Variants in CFAP97 observed in about 807,000 individuals in gnomAD.
The protein encoded by CFAP97 is cilia- and flagella-associated protein 97.
CFAP97 carries 36 observed loss-of-function variants against 43.1 expected under a neutral mutation model. The observed-to-expected ratio is 0.84, with a 90% CI of 0.64 to 1.10. The LOEUF (loss-of-function observed/expected upper bound fraction) is 1.10. Ranked by LOEUF, CFAP97 falls within the 50% of genes least tolerant of loss-of-function variation. The pLI, the probability that CFAP97 is intolerant of heterozygous loss-of-function variation, is 0.00. For missense variants in CFAP97, 657 were observed against 620.3 expected (o/e 1.06, Z -0.63); for synonymous variants, 228 against 225.7 (o/e 1.01, Z -0.09).
chr4:185,179,048 A>C (rs1015704971), intron 2 of CFAP97, among the ~76,000 whole-genome samples: 1 of 152,134 alleles, frequency 6.6e-6, no homozygotes, highest in Non-Finnish European at 1.5e-5. Context: ...TTTAGAAAGA[A>C]TATAAAAGAG....
intron 1 of CFAP97, among the ~76,000 whole-genome samples, chr4:185,195,977 CCTTT>C (rs1014429887): frequency 6.6e-6 from 1 of 152,048 alleles, no homozygotes; most frequent in African/African-American, 2.4e-5. Flanking sequence ...GTTGTTTTTT[CCTTT>C]CTTACTTTGT....
Position 185,201,258 on chromosome 4 carries a change from G to A in CFAP97, c.-17+2640C>T, listed in dbSNP as rs1051668800. ...GGAGAATCTCTTGAACCCAGGAAGC[G>A]GAGGTTGCAGTGAGCCCAGATCACA... is the stretch of plus-strand genomic sequence containing the variant. On this transcript the variant is annotated intron_variant, in intron 1 of 4. Transcript: ENST00000458385. Among the ~76,000 whole-genome samples the A allele has an allele frequency of 4.6e-5, 7 of 150,656 alleles. No individual in the cohort carries two copies. The East Asian group carries it at 5.8e-4, about 13-fold the overall frequency.
chr4:185,190,535 T>A lies in CFAP97; in HGVS notation c.662A>T (p.His221Leu). 1 of 1,613,944 alleles carries A rather than the reference T, an allele frequency of 6.2e-7. No individual in the cohort carries two copies. Among genetic ancestry groups the A allele is most frequent in the Non-Finnish European group, 8.5e-7 (1 of 1,179,874 alleles). Residue 221 changes from histidine (H) to leucine (L), a missense_variant, in exon 2 of 5, where the codon CAC (histidine) becomes CTC (leucine). Coordinates refer to ENST00000458385, the MANE Select transcript of CFAP97 (RefSeq NM_020827.3). Reference protein sequence around the residue: ...VSGITLLSPKHKYKSGIKSTE... With the variant: ...VSGITLLSPKLKYKSGIKSTE... ...CGATTTTATTCCTGATTTATACTTG[T>A]GTTTTGGTGACAGGAGGGTTATACC...
chr4:185,197,007 G>A (rs1022274659), intron 1 of CFAP97, among the ~76,000 whole-genome samples: 2 of 150,730 alleles, frequency 1.3e-5, no homozygotes, highest in African/African-American at 4.9e-5. Flanking sequence ...GCTGAGGCAG[G>A]AGAATTGCTT....
chr4:185,178,057 G>C (rs1735623935), intron 2 of CFAP97, among the ~76,000 whole-genome samples: 1 of 151,940 alleles, frequency 6.6e-6, no homozygotes. Flanking sequence ...AGTATGCCAA[G>C]TTAGTGACAA....
At chr4:185,207,063 C>T (rs931633964), upstream of CFAP97, among the ~76,000 whole-genome samples, 11 of 152,218 alleles carry the variant, frequency 7.2e-5, no homozygotes, top group South Asian at 8.3e-4. Context: ...GCTGATTGGA[C>T]GGTTGCCCAC....
intron 1 of CFAP97, among the ~76,000 whole-genome samples, chr4:185,195,029 T>C (rs552116802): frequency 1.1e-4 from 16 of 152,290 alleles, no homozygotes; most frequent in African/African-American, 3.9e-4. Context: ...CACAGGATGT[T>C]CACGACAGCA....
chr4:185,168,069 G>C (rs577202022), intron 3 of CFAP97, among the ~76,000 whole-genome samples: 79 of 147,922 alleles, frequency 5.3e-4, no homozygotes, highest in Non-Finnish European at 6.6e-4. Context: ...TTTTCTAGTT[G>C]TTTGACATGC....
At chr4:185,169,776 C>T in intron 3 of CFAP97, 1 of 985,444 alleles carries the variant, frequency 1.0e-6, no homozygotes, top group Non-Finnish European at 1.2e-6. Flanking sequence ...CTGTCCCCCA[C>T]ACAGGCAGAA....
chr4:185,202,131 T>A (rs1307101485), intron 1 of CFAP97, among the ~76,000 whole-genome samples: 1 of 152,230 alleles, frequency 6.6e-6, no homozygotes, highest in Non-Finnish European at 1.5e-5. Flanking sequence ...GAGAACCTGA[T>A]GAATTTAGTC....
At chr4:185,164,711 G>A (rs1398611830) in intron 3 of CFAP97, among the ~76,000 whole-genome samples, 1 of 152,166 alleles carries the variant, frequency 6.6e-6, no homozygotes, top group African/African-American at 2.4e-5. Flanking sequence ...AATAAGGTAG[G>A]TTAGACAAGC....
At chr4:185,172,151 G>T (rs1735330281) in intron 3 of CFAP97, among the ~76,000 whole-genome samples, 2 of 152,132 alleles carry the variant, frequency 1.3e-5, no homozygotes, top group African/African-American at 4.8e-5. Flanking sequence ...TACTGATAAA[G>T]TTATCTACTG....
chr4:185,193,469 AC>A (rs1736394551), intron 1 of CFAP97, among the ~76,000 whole-genome samples: 1 of 151,990 alleles, frequency 6.6e-6, no homozygotes, highest in African/African-American at 2.4e-5. Flanking sequence ...ATATAGTGAA[AC>A]CCCATCTCTA....
rs772426749 is a variant in CFAP97, at chr4:185,191,096, T to C, written c.101A>G (p.Asp34Gly). ...TTCCTTTGGGTCATCATTTTGCTTGTCAAAAACTGAGTTAGTTTCACATTT... is the reference window on the plus strand; with the variant it reads ...TTCCTTTGGGTCATCATTTTGCTTGCCAAAAACTGAGTTAGTTTCACATTT... ...GKKCETNSVF[D>G]KQNDDPKERI... Residue 34 changes from aspartate to glycine, a missense_variant, in exon 2 of 5, where the codon GAC becomes GGC. Physicochemically the swap from Asp to Gly is moderately conservative, Grantham distance 94. Transcript: ENST00000458385. The C allele has an allele frequency of 1.9e-6, 3 of 1,612,812 alleles. No homozygotes were observed. The South Asian group carries it at 3.3e-5, about 18-fold the overall frequency.
chr4:185,182,279 A>T (rs544280806), intron 2 of CFAP97: 1 of 152,114 alleles, frequency 6.6e-6, no homozygotes, highest in East Asian at 1.9e-4. Context: ...CATTTTTTTA[A>T]TGCCCTCTCT....
At chr4:185,181,933 A>G (rs1735807476) in intron 2 of CFAP97, among the ~76,000 whole-genome samples, 2 of 152,108 alleles carry the variant, frequency 1.3e-5, no homozygotes, top group Admixed American at 1.3e-4. Context: ...AAGGCACTTC[A>G]CTTCAATCCC....
chr4:185,203,826 G>A (rs1737049278), intron 1 of CFAP97, 72 bp downstream of exon 1: 1 of 152,064 alleles, frequency 6.6e-6, no homozygotes, highest in Admixed American at 6.5e-5. Context: ...GCGGGGAGAC[G>A]GATGCGAACG....
At chr4:185,184,045 G>A (rs750026604) in intron 2 of CFAP97, among the ~76,000 whole-genome samples, 1 of 152,142 alleles carries the variant, frequency 6.6e-6, no homozygotes, top group Non-Finnish European at 1.5e-5. Flanking sequence ...AAATGGGTTA[G>A]ACAGGAAGAG....
Position 185,162,488 on chromosome 4 carries a change from G to T in CFAP97, c.*310C>A, listed in dbSNP as rs370242188. 3 of 303,384 alleles carry T rather than the reference G, an allele frequency of 9.9e-6. No homozygotes were observed. Among genetic ancestry groups the T allele is most frequent in the Non-Finnish European group, 1.9e-5 (3 of 160,774 alleles). 18.8% of individuals were successfully genotyped at this position (303,384 alleles called of 1,614,324 possible). On this transcript the variant is annotated 3_prime_UTR_variant, in exon 5 of 5. Transcript: ENST00000458385. ...AAACTATAGTGACCATCTTGGGTACGACATGCAATGATACTATCACTACTA... is the reference window on the plus strand; with the variant it reads ...AAACTATAGTGACCATCTTGGGTACTACATGCAATGATACTATCACTACTA...
Sources: gnomAD v4.1 joint callset for allele counts (sites outside exome capture counted in the v4.1 genomes callset) on GRCh38, gnomAD v4.1.1 for gene constraint, MANE v1.5 for transcripts, NCBI Gene and HGNC (gene_info 2026-07-23, HGNC 2026-07-21) for gene names.